The following NCOR2 variants were observed in gnomAD, a reference collection of about 807,000 sequenced individuals.
NCOR2 encodes CTG repeat protein 26.
NCOR2 carries 81 observed loss-of-function variants against 262.9 expected under a neutral mutation model. The ratio of observed to expected loss-of-function variants is 0.31; its 90% CI spans 0.26 to 0.37. The LOEUF (loss-of-function observed/expected upper bound fraction) is 0.37. Among genes scored for constraint, NCOR2 ranks in the 10% least tolerant of loss-of-function variants. The pLI, the probability that NCOR2 is intolerant of heterozygous loss-of-function variation, is 1.00. For missense variants in NCOR2, 3,385 were observed against 3,621.4 expected (o/e 0.93, Z 1.68); for synonymous variants, 1,659 against 1,559.3 (o/e 1.06, Z -1.51).
chr12:124,470,969 G>A (rs1310259495), intron 4 of NCOR2, among the ~76,000 whole-genome samples: 8 of 152,232 alleles, frequency 5.3e-5, no homozygotes, highest in Non-Finnish European at 1.2e-4. Context: ...GCCAGGCCTG[G>A]AAGCCTAACG....
chr12:124,474,886 G>A (rs1356647000), intron 3 of NCOR2, among the ~76,000 whole-genome samples: 2 of 151,696 alleles, frequency 1.3e-5, no homozygotes, highest in East Asian at 1.9e-4. Flanking sequence ...CCACCTCCCC[G>A]CCCCCGCAGC....
At chr12:124,384,748 C>T (rs759560435) in intron 17 of NCOR2, among the ~76,000 whole-genome samples, 8 of 152,002 alleles carry the variant, frequency 5.3e-5, no homozygotes, top group Non-Finnish European at 1.0e-4. Flanking sequence ...ATGGCCTGCC[C>T]GGAACCCACT....
intron 22 of NCOR2, among the ~76,000 whole-genome samples, chr12:124,360,369 C>T (rs1214359541): frequency 1.3e-5 from 2 of 152,252 alleles, no homozygotes; most frequent in African/African-American, 2.4e-5. Context: ...AAACAAACTC[C>T]CGATGCGCCC....
At chr12:124,519,562 C>T (rs1042151507) in intron 1 of NCOR2, among the ~76,000 whole-genome samples, 17 of 152,068 alleles carry the variant, frequency 1.1e-4, no homozygotes, top group African/African-American at 2.9e-4. Flanking sequence ...GGCGCAGGGG[C>T]GAGGCGGGGA....
intron 17 of NCOR2, among the ~76,000 whole-genome samples, chr12:124,381,548 C>T (rs769790745): frequency 1.3e-5 from 2 of 152,218 alleles, no homozygotes; most frequent in Admixed American, 6.5e-5. Context: ...ACAGAACAGA[C>T]GCTCTGTAAC....
Position 124,483,645 on chromosome 12 carries a change from G to A in NCOR2, c.362C>T (p.Ser121Leu), listed in dbSNP as rs1386886117. 1.9e-6 allele frequency: 3 copies of A among 1,611,164 alleles called. No individual in the cohort carries two copies. Among genetic ancestry groups the A allele is most frequent in the East Asian group, 2.2e-5 (1 of 44,778 alleles). The stretch of plus-strand genomic sequence containing the variant: ...AGGCTGGCCCGTGGCCAGCAGGGGT[G>A]ACGGTCGCAGCAGGGGGTCAGGCAG... Residue 121 changes from serine to leucine, a missense_variant, in exon 3 of 47, where the codon TCA (serine) becomes TTA (leucine). Ser to Leu is a moderately radical substitution (Grantham distance 145). Coordinates refer to ENST00000405201, the Ensembl canonical transcript of NCOR2. The surrounding 1 kb of genome is among the most constrained non-coding windows in gnomAD (Gnocchi z 6.3).
At position 124,483,521 on chromosome 12, in the gene NCOR2, C is replaced by A; in HGVS notation, c.411+75G>T. ...TGCCCCCTCCCTGCACCCCTACCCACCACCTCCCACCCAGCCCAACCAGCA... is the reference window on the plus strand; with the variant it reads ...TGCCCCCTCCCTGCACCCCTACCCAACACCTCCCACCCAGCCCAACCAGCA... On this transcript the variant is annotated intron_variant, in intron 3 of 46. Coordinates refer to ENST00000405201, the Ensembl canonical transcript of NCOR2. The surrounding 1 kb of genome is among the most constrained non-coding windows in gnomAD (Gnocchi z 6.3). 2.8e-6 allele frequency: 4 copies of A among 1,423,058 alleles called. No individual in the cohort carries two copies. The highest frequency in any genetic ancestry group is 2.8e-6 in the Non-Finnish European group (3 of 1,077,408). 88.2% of individuals were successfully genotyped at this position (1,423,058 alleles called of 1,614,324 possible). A position where few individuals can be genotyped will look rare whatever the true frequency, so the allele number is the denominator to read the frequency against.
At chr12:124,516,135 C>A (rs1041897152) in intron 1 of NCOR2, among the ~76,000 whole-genome samples, 3 of 152,186 alleles carry the variant, frequency 2.0e-5, no homozygotes, top group Non-Finnish European at 2.9e-5. Flanking sequence ...GCAGCTGGTG[C>A]GGGGGGCCTG....
At chr12:124,381,789 T>C (rs1233789054) in intron 17 of NCOR2, among the ~76,000 whole-genome samples, 1 of 152,068 alleles carries the variant, frequency 6.6e-6, no homozygotes, top group African/African-American at 2.4e-5. Flanking sequence ...GGACAGAGAC[T>C]GAGGAACGTG....
At chr12:124,411,502 G>A (rs530605291) in intron 13 of NCOR2, among the ~76,000 whole-genome samples, 1 of 152,226 alleles carries the variant, frequency 6.6e-6, no homozygotes, top group South Asian at 2.1e-4. Context: ...AGAAAGAGAG[G>A]CCCCCTTGGC....
At chr12:124,421,854 C>T (rs1008791454) in intron 12 of NCOR2, among the ~76,000 whole-genome samples, 3 of 152,240 alleles carry the variant, frequency 2.0e-5, no homozygotes, top group South Asian at 2.1e-4. Context: ...TGCAAAACAA[C>T]GGCTTTACCA....
At chr12:124,500,851 G>A (rs772213461) in intron 1 of NCOR2, among the ~76,000 whole-genome samples, 13 of 152,150 alleles carry the variant, frequency 8.5e-5, no homozygotes, top group Non-Finnish European at 1.9e-4. Context: ...TGGTGGAGGT[G>A]TGGGAGCTAC....
intron 16 of NCOR2, among the ~76,000 whole-genome samples, chr12:124,392,353 C>T (rs556104675): frequency 1.8e-4 from 28 of 152,212 alleles, no homozygotes; most frequent in South Asian, 6.2e-4. Flanking sequence ...GACTGTTTCT[C>T]ACATATCCGG....
At chr12:124,368,176 T>A (rs568847526) in intron 20 of NCOR2, among the ~76,000 whole-genome samples, 32 of 152,166 alleles carry the variant, frequency 2.1e-4, no homozygotes, top group Non-Finnish European at 3.5e-4. Context: ...TGTCCGTGGG[T>A]GGGCGTGGGG....
intron 32 of NCOR2, 62 bp downstream of exon 34, chr12:124,344,535 G>C (rs1169474406): frequency 2.2e-6 from 3 of 1,354,142 alleles, no homozygotes; most frequent in Non-Finnish European, 2.9e-6. Flanking sequence ...ATGGTGGATG[G>C]GGAGGCACAG....
chr12:124,503,837 C>T lies in NCOR2; in HGVS notation c.-117-8469G>A, dbSNP rs553998731. ...GTATCAACTTAGCTGCTTCATTTTC[C>T]GGGTTTTTCTGGTCTTACATTTCTA... On this transcript the variant is annotated intron_variant, in intron 1 of 46. Coordinates refer to the NCOR2 transcript ENST00000404621. This position sits in a 1 kb window ranked among gnomAD's most constrained non-coding sequence, Gnocchi z 4.3. Among the ~76,000 whole-genome samples, 63 of 152,238 alleles carry T rather than the reference C, an allele frequency of 4.1e-4. No individual in the cohort carries two copies. Among genetic ancestry groups the T allele is most frequent in the African/African-American group, 1.5e-3 (61 of 41,520 alleles).
chr12:124,360,682 AC>A (rs1449418078), intron 22 of NCOR2, among the ~76,000 whole-genome samples: 1 of 98,394 alleles, frequency 1.0e-5, no homozygotes, highest in African/African-American at 4.0e-5. Flanking sequence ...GGCCACAACC[AC>A]CCCCGGCGAC....
intron 16 of NCOR2, among the ~76,000 whole-genome samples, chr12:124,386,790 C>T (rs1425801926): frequency 6.6e-6 from 1 of 152,256 alleles, no homozygotes; most frequent in African/African-American, 2.4e-5. Flanking sequence ...CCCCCGGTCT[C>T]GGCCTGTCTG....
intron 1 of NCOR2, among the ~76,000 whole-genome samples, chr12:124,559,118 C>T (rs926614462): frequency 1.4e-4 from 22 of 152,186 alleles, no homozygotes; most frequent in African/African-American, 4.6e-4. Context: ...ACTGGTCACC[C>T]GGGTCTGGTC....
Sources: gnomAD v4.1 joint callset for allele counts (sites outside exome capture counted in the v4.1 genomes callset) on GRCh38, gnomAD v4.1.1 for gene constraint, Gnocchi (gnomAD v3.1) non-coding constraint, MANE v1.5 for transcripts, NCBI Gene and HGNC (gene_info 2026-07-23, HGNC 2026-07-21) for gene names.